The following GRIN2B variants were observed in gnomAD, a reference collection of about 807,000 sequenced individuals.
GRIN2B encodes glutamate ionotropic receptor NMDA type subunit 2B, also known as glutamate receptor ionotropic, NMDA 2B.
GRIN2B carries 5 observed loss-of-function variants against 114.5 expected under a neutral mutation model. The ratio of observed to expected loss-of-function variants is 0.04; its 90% CI spans 0.02 to 0.09. The LOEUF (loss-of-function observed/expected upper bound fraction) is 0.09. Ranked by LOEUF, GRIN2B falls within the 10% of genes least tolerant of loss-of-function variation. GRIN2B has a pLI of 1.00. For missense variants in GRIN2B, 1,108 were observed against 1,943.5 expected (o/e 0.57, Z 8.08); for synonymous variants, 787 against 745.1 (o/e 1.06, Z -0.92).
rs1863035685 is a variant in GRIN2B, at chr12:13,977,170, G to A, written c.-19+2758C>T. ...TTTTTTCTCTTTCCCCTCCTTTCCT[G>A]TCATTTCACCTTCTTATTGATTCTC... On this transcript the variant is annotated intron_variant, in intron 2 of 13. Transcript: ENST00000609686. Among the ~76,000 whole-genome samples, 4 of 152,206 alleles carry A rather than the reference G, an allele frequency of 2.6e-5. No homozygotes were observed. The South Asian group carries it at 8.3e-4, about 32-fold the overall frequency.
Position 13,562,894 on chromosome 12 carries a change from T to C in GRIN2B, c.4344A>G (p.Ile1448Met). ...VPARFQKDIC[I>M]GNQSNPCVPN... ...GCACACAGGGGTTGGACTGGTTCCC[T>C]ATACAGATGTCCTTCTGGAAACGGG... The change falls in exon 14 of 14, where the codon ATA (isoleucine) becomes ATG (methionine). Residue 1448 changes from isoleucine to methionine, a missense_variant. Ile to Met is a conservative substitution (Grantham distance 10, BLOSUM62 1). This residue lies in a region of GRIN2B where 478 missense variants were observed against 506.0 expected (regional missense o/e 0.94). Transcript: ENST00000609686. 1 of 1,614,184 alleles carries C rather than the reference T, an allele frequency of 6.2e-7. No individual in the cohort carries two copies. Among genetic ancestry groups the C allele is most frequent in the Non-Finnish European group, 8.5e-7 (1 of 1,180,010 alleles).
At chr12:13,890,823 C>A (rs1023276949) in intron 2 of GRIN2B, among the ~76,000 whole-genome samples, 2 of 152,136 alleles carry the variant, frequency 1.3e-5, no homozygotes, top group African/African-American at 4.8e-5. Context: ...TCAGAGAAGG[C>A]AGAGTCCTTT....
At chr12:13,747,049 T>C (rs1863398417) in intron 4 of GRIN2B, among the ~76,000 whole-genome samples, 1 of 152,118 alleles carries the variant, frequency 6.6e-6, no homozygotes, top group African/African-American at 2.4e-5. Context: ...GAATCCATTT[T>C]GAACTTTATC....
At chr12:13,820,101 T>C (rs1400026465) in intron 3 of GRIN2B, among the ~76,000 whole-genome samples, 1 of 152,170 alleles carries the variant, frequency 6.6e-6, no homozygotes, top group Non-Finnish European at 1.5e-5. Context: ...CAAAAGATTG[T>C]ACCAAATTCC....
At chr12:13,714,639 G>T (rs1198689693) in intron 4 of GRIN2B, among the ~76,000 whole-genome samples, 1 of 151,828 alleles carries the variant, frequency 6.6e-6, no homozygotes, top group African/African-American at 2.4e-5. Flanking sequence ...GGGAACGCTG[G>T]TTGGTTACCC....
chr12:13,851,159 G>A (rs910766039), intron 3 of GRIN2B, among the ~76,000 whole-genome samples: 16 of 152,066 alleles, frequency 1.1e-4, no homozygotes, highest in African/African-American at 3.9e-4. Flanking sequence ...AATCAATTCT[G>A]GGTTAAGACC....
At chr12:13,641,815 T>C (rs1194022236) in intron 5 of GRIN2B, among the ~76,000 whole-genome samples, 1 of 152,170 alleles carries the variant, frequency 6.6e-6, no homozygotes, top group African/African-American at 2.4e-5. Context: ...ATTACTTGGC[T>C]AGAATTTTTA....
chr12:13,922,132 T>A (rs1207408516), intron 2 of GRIN2B, among the ~76,000 whole-genome samples: 1 of 152,204 alleles, frequency 6.6e-6, no homozygotes, highest in African/African-American at 2.4e-5. Context: ...ATATTTATCA[T>A]TATCAATTTT....
At chr12:13,567,655 GAAGT>G (rs1378266533) in intron 12 of GRIN2B, among the ~76,000 whole-genome samples, 1 of 152,138 alleles carries the variant, frequency 6.6e-6, no homozygotes, top group Non-Finnish European at 1.5e-5. Context: ...GGGTTTTCGT[GAAGT>G]AAGTAGGAGT....
At chr12:13,710,428 G>T (rs913963792) in intron 4 of GRIN2B, among the ~76,000 whole-genome samples, 8 of 152,088 alleles carry the variant, frequency 5.3e-5, no homozygotes, top group African/African-American at 1.9e-4. Context: ...AGGAAAAGAG[G>T]AAGTCAAATT....
intron 3 of GRIN2B, among the ~76,000 whole-genome samples, chr12:13,786,599 C>T (rs73053669): frequency 0.16 from 23,707 of 151,842 alleles, 2,401 homozygotes; most frequent in Middle Eastern, 0.24. Context: ...GATCAGGGTC[C>T]GGAGGCTAGG....
At chr12:13,684,050 C>T (rs1329259087) in intron 4 of GRIN2B, among the ~76,000 whole-genome samples, 2 of 152,116 alleles carry the variant, frequency 1.3e-5, no homozygotes, top group Non-Finnish European at 2.9e-5. Flanking sequence ...AGTATATTCT[C>T]TCTCATTCCT....
Position 13,616,781 on chromosome 12 carries a change from A to G in GRIN2B, c.1126-124T>C, listed in dbSNP as rs1308848324. On this transcript the variant is annotated intron_variant, in intron 5 of 13. Coordinates refer to ENST00000609686, the MANE Select transcript of GRIN2B (RefSeq NM_000834.5). Reference sequence around the variant, plus strand: ...AAAAGCCAACAAGTGCCAACATTGTACATACTAGAGATAGGAATACTTTTT... The same window carrying G: ...AAAAGCCAACAAGTGCCAACATTGTGCATACTAGAGATAGGAATACTTTTT... 15 of 767,502 alleles carry G rather than the reference A, an allele frequency of 2.0e-5. No individual in the cohort carries two copies. The East Asian group carries it at 3.5e-4, about 18-fold the overall frequency. The allele number at this position is 767,502 out of a possible 1,614,324, so 47.5% of individuals were successfully genotyped here. A position where few individuals can be genotyped will look rare whatever the true frequency, so the allele number is the denominator to read the frequency against.
intron 2 of GRIN2B, among the ~76,000 whole-genome samples, chr12:13,937,095 A>AGG (rs1565593078): frequency 3.5e-5 from 5 of 141,584 alleles, no homozygotes; most frequent in African/African-American, 1.3e-4. Flanking sequence ...AAAAAAAAAA[A>AGG]AGGGGGGGGG....
intron 2 of GRIN2B, among the ~76,000 whole-genome samples, chr12:13,944,772 A>C (rs1398157969): frequency 6.6e-6 from 1 of 152,208 alleles, no homozygotes; most frequent in Non-Finnish European, 1.5e-5. Flanking sequence ...TTAACATAGA[A>C]ATATAAAGGC....
At chr12:13,809,761 C>G (rs1313382788) in intron 3 of GRIN2B, among the ~76,000 whole-genome samples, 3 of 152,220 alleles carry the variant, frequency 2.0e-5, no homozygotes, top group Non-Finnish European at 4.4e-5. Context: ...ATAAACCTAT[C>G]TGAATTGGCC....
At chr12:13,696,501 T>C (rs16909386) in intron 4 of GRIN2B, among the ~76,000 whole-genome samples, 7,992 of 152,144 alleles carry the variant, frequency 0.053, 717 homozygotes, top group African/African-American at 0.18. Context: ...TGCATATCAT[T>C]TGAAAAAGTT....
At chr12:13,733,539 G>A (rs1863124355) in intron 4 of GRIN2B, among the ~76,000 whole-genome samples, 1 of 152,130 alleles carries the variant, frequency 6.6e-6, no homozygotes, top group South Asian at 2.1e-4. Flanking sequence ...TTTATCAAGT[G>A]AATCAAAAGC....
At chr12:13,754,905 C>T (rs1040748718) in intron 3 of GRIN2B, among the ~76,000 whole-genome samples, 4 of 152,154 alleles carry the variant, frequency 2.6e-5, no homozygotes, top group Non-Finnish European at 5.9e-5. Context: ...CTGTGTTTCA[C>T]CTGCTGTTCT....
Sources: allele counts gnomAD v4.1 joint callset (sites outside exome capture counted in the v4.1 genomes callset), GRCh38; gene constraint gnomAD v4.1.1; regional missense constraint gnomAD v4.1.1; transcripts MANE v1.5; gene names NCBI Gene and HGNC (gene_info 2026-07-23, HGNC 2026-07-21).